Variants in NRG3 observed in about 807,000 individuals in gnomAD.
NRG3 encodes neuregulin 3.
In NRG3, 31 loss-of-function variants were observed where a neutral mutation model predicts 66.9. The ratio of observed to expected loss-of-function variants is 0.46; its 90% CI spans 0.35 to 0.63. The LOEUF (loss-of-function observed/expected upper bound fraction) is 0.63, where lower values mean the gene tolerates loss of function less well. Among genes scored for constraint, NRG3 ranks in the 20% least tolerant of loss-of-function variants. The pLI, the probability that NRG3 is intolerant of heterozygous loss-of-function variation, is 0.00. For synonymous variants in NRG3, 393 were observed against 359.4 expected (o/e 1.09, Z -1.06); for missense variants, 910 against 878.9 (o/e 1.04, Z -0.45).
intron 4 of NRG3, among the ~76,000 whole-genome samples, chr10:82,909,668 C>A (rs1437304846): frequency 6.6e-6 from 1 of 152,172 alleles, no homozygotes; most frequent in African/African-American, 2.4e-5. Flanking sequence ...GAGGCCAAGA[C>A]CTACGTTCAT....
At chr10:82,650,260 T>C (rs1030954276) in intron 2 of NRG3, among the ~76,000 whole-genome samples, 1 of 152,216 alleles carries the variant, frequency 6.6e-6, no homozygotes, top group Non-Finnish European at 1.5e-5. Flanking sequence ...TTGTAATTGT[T>C]ACAGCAACCT....
In NRG3 at chr10:82,986,456, G is replaced by A. The variant is rs76037098; in HGVS notation, c.*851G>A. The A allele has an allele frequency of 6.6e-6, 1 of 152,212 alleles. No individual in the cohort carries two copies. The highest frequency in any genetic ancestry group is 1.5e-5 in the Non-Finnish European group (1 of 68,038). The allele number at this position is 152,212 out of a possible 1,614,324, so 9.4% of individuals were successfully genotyped here. A position where few individuals can be genotyped will look rare whatever the true frequency, so the allele number is the denominator to read the frequency against. ...AAGCACATGTGTTCATTGTGCGTAT[G>A]TGTGTGCATGTGTGCGCGTATTACG... is the stretch of plus-strand genomic sequence containing the variant. On this transcript the variant is annotated 3_prime_UTR_variant, in exon 9 of 9. Transcript: ENST00000372141.
At chr10:82,928,487 C>T (rs1847232511) in intron 4 of NRG3, among the ~76,000 whole-genome samples, 1 of 151,944 alleles carries the variant, frequency 6.6e-6, no homozygotes, top group Non-Finnish European at 1.5e-5. Flanking sequence ...AAGTTTAAGT[C>T]TTTAATCCAT....
intron 1 of NRG3, among the ~76,000 whole-genome samples, chr10:82,299,871 A>G (rs1235136421): frequency 6.6e-6 from 1 of 152,206 alleles, no homozygotes; most frequent in Non-Finnish European, 1.5e-5. Flanking sequence ...ATGACTTTTT[A>G]TCTGTAGAAG....
chr10:82,675,702 G>A (rs540647441), intron 2 of NRG3, among the ~76,000 whole-genome samples: 1 of 152,334 alleles, frequency 6.6e-6, no homozygotes, highest in East Asian at 1.9e-4. Flanking sequence ...CCCAAGGCTA[G>A]CTTGGCTTAA....
chr10:82,017,812 T>G (rs1280699985), intron 1 of NRG3, among the ~76,000 whole-genome samples: 8 of 152,214 alleles, frequency 5.3e-5, no homozygotes, highest in African/African-American at 9.6e-5. Flanking sequence ...TAAATTTGTT[T>G]GAGTTCTTTG....
intron 2 of NRG3, among the ~76,000 whole-genome samples, chr10:82,647,608 T>G (rs1024758037): frequency 2.0e-5 from 3 of 151,810 alleles, no homozygotes; most frequent in Non-Finnish European, 4.4e-5. Flanking sequence ...TGAACTAGTT[T>G]ACAGTCCCAC....
intron 1 of NRG3, among the ~76,000 whole-genome samples, chr10:82,145,628 G>T (rs1470327161): frequency 6.6e-6 from 1 of 152,160 alleles, no homozygotes; most frequent in African/African-American, 2.4e-5. Context: ...CATCTTGAAA[G>T]AAATCAATTG....
intron 3 of NRG3, among the ~76,000 whole-genome samples, chr10:82,767,647 C>T (rs1425870589): frequency 6.6e-6 from 1 of 151,832 alleles, no homozygotes; most frequent in East Asian, 1.9e-4. Context: ...TACCTTTTCC[C>T]AGTCTTTGTC....
chr10:82,414,666 A>G (rs1175387586), intron 2 of NRG3, among the ~76,000 whole-genome samples: 1 of 152,198 alleles, frequency 6.6e-6, no homozygotes, highest in Non-Finnish European at 1.5e-5. Flanking sequence ...TCTGTGGAGA[A>G]AGGAATGAAT....
chr10:82,736,676 A>T (rs923996676), intron 2 of NRG3, among the ~76,000 whole-genome samples: 4 of 152,250 alleles, frequency 2.6e-5, no homozygotes, highest in African/African-American at 9.6e-5. Flanking sequence ...AGATGGGAAA[A>T]TTTCAAACAT....
intron 8 of NRG3, among the ~76,000 whole-genome samples, chr10:82,984,621 A>T (rs1488633286): frequency 6.6e-6 from 1 of 152,134 alleles, no homozygotes; most frequent in Non-Finnish European, 1.5e-5. Context: ...GGGCTTCTTG[A>T]TTGGCTTCGA....
chr10:82,501,677 C>G (rs571179084), intron 2 of NRG3, among the ~76,000 whole-genome samples: 1 of 152,252 alleles, frequency 6.6e-6, no homozygotes, highest in African/African-American at 2.4e-5. Flanking sequence ...ATGTCTTTCT[C>G]TCTTTCCTCT....
chr10:82,329,251 A>G (rs1022309859), intron 1 of NRG3, among the ~76,000 whole-genome samples: 10 of 152,170 alleles, frequency 6.6e-5, no homozygotes, highest in Admixed American at 6.5e-5. Context: ...ATTTCTATAC[A>G]AGAAGAGTTT....
chr10:82,325,617 T>TC (rs1434132723), intron 1 of NRG3, among the ~76,000 whole-genome samples: 2 of 109,666 alleles, frequency 1.8e-5, no homozygotes, highest in African/African-American at 1.1e-4. Context: ...TAACGTTTCC[T>TC]TTTTTTTTGC....
At chr10:82,224,872 G>A (rs78572987) in intron 1 of NRG3, among the ~76,000 whole-genome samples, 627 of 152,068 alleles carry the variant, frequency 4.1e-3, no homozygotes, top group Non-Finnish European at 7.0e-3. Context: ...GTTTCAACAA[G>A]CATTACCTTT....
rs548905790 is a variant in NRG3, at chr10:82,513,434, T to C, written c.953+154566T>C. On this transcript the variant is annotated intron_variant, in intron 2 of 8. Transcript: ENST00000372141. ...CTGAATATATGCGTGCATGTATCTG[T>C]ATAACAGAATAATTTATATTCCTAT... 3.9e-5 allele frequency among the ~76,000 whole-genome samples: 6 copies of C among 152,348 alleles called. No homozygotes were observed. In the South Asian group the frequency reaches 1.0e-3, roughly 26 times the overall value.
At chr10:81,969,805 A>G (rs2059862915) in intron 1 of NRG3, among the ~76,000 whole-genome samples, 1 of 151,716 alleles carries the variant, frequency 6.6e-6, no homozygotes, top group Non-Finnish European at 1.5e-5. Flanking sequence ...GTGTGTGCAC[A>G]TGCACTTCTG....
chr10:82,381,667 A>AT (rs892557666), intron 2 of NRG3, among the ~76,000 whole-genome samples: 1 of 152,126 alleles, frequency 6.6e-6, no homozygotes, highest in African/African-American at 2.4e-5. Context: ...CTTTTCTCAT[A>AT]TTTTATTTTA....
Sources: allele counts gnomAD v4.1 joint callset (sites outside exome capture counted in the v4.1 genomes callset), GRCh38; gene constraint gnomAD v4.1.1; transcripts MANE v1.5; gene names NCBI Gene and HGNC (gene_info 2026-07-23, HGNC 2026-07-21).